SMARCA2: variants seen among roughly 807,000 people sequenced by gnomAD.
SMARCA2 encodes SWI/SNF-related matrix-associated actin-dependent regulator of chromatin subfamily A member 2.
In SMARCA2, 61 loss-of-function variants were observed where a neutral mutation model predicts 199.8. That is an observed-to-expected ratio of 0.31 (90% CI 0.25 to 0.38). The LOEUF is 0.38. Ranked by LOEUF, SMARCA2 falls within the 10% of genes least tolerant of loss-of-function variation. The pLI, the probability that SMARCA2 is intolerant of heterozygous loss-of-function variation, is 1.00. For missense variants in SMARCA2, 1,344 were observed against 2,012.2 expected (o/e 0.67, Z 6.35); for synonymous variants, 935 against 732.0 (o/e 1.28, Z -4.48).
chr9:2,029,251 A>T lies in SMARCA2; in HGVS notation c.225+4A>T. 6.2e-7 allele frequency: 1 copy of T among 1,607,682 alleles called. No homozygotes were observed. Among genetic ancestry groups the T allele is most frequent in the Non-Finnish European group, 8.5e-7 (1 of 1,176,428 alleles). Reference sequence around the variant, plus strand: ...AGGCATGCATCAAATGCATAAGGTAAGAGTTTGTTCTCCCATTCAAACTCA... The same window carrying T: ...AGGCATGCATCAAATGCATAAGGTATGAGTTTGTTCTCCCATTCAAACTCA... On this transcript the variant is annotated splice_donor_region_variant and intron_variant, in intron 2 of 33. Coordinates refer to ENST00000349721, the MANE Select transcript of SMARCA2 (RefSeq NM_003070.5).
intron 1 of SMARCA2, 80 bp downstream of exon 1, chr9:2,015,484 G>T (rs988642030): frequency 6.6e-6 from 1 of 152,608 alleles, no homozygotes; most frequent in Non-Finnish European, 1.5e-5. Context: ...AGACCCCTCC[G>T]GCACCACGCC....
intron 13 of SMARCA2, among the ~76,000 whole-genome samples, chr9:2,077,080 C>G (rs1278836829): frequency 6.6e-6 from 1 of 152,100 alleles, no homozygotes; most frequent in Non-Finnish European, 1.5e-5. Flanking sequence ...TTAAGAATCC[C>G]CCTCAGTGGT....
chr9:2,060,118 C>CAAAAAAAAAAAAAAAAAAAAAAAAAA (rs372329238), intron 8 of SMARCA2, among the ~76,000 whole-genome samples: 1 of 62,388 alleles, frequency 1.6e-5, no homozygotes, highest in African/African-American at 4.4e-5. Flanking sequence ...GATCTGTGGC[C>CAAAAAAAAAAAAAAAAAAAAAAAAAA]AAAAAAAAAA....
At chr9:2,084,285 C>G in intron 17 of SMARCA2, 89 bp downstream of exon 17, 1 of 653,918 alleles carries the variant, frequency 1.5e-6, no homozygotes, top group Admixed American at 2.8e-5. Flanking sequence ...TAATTGGATC[C>G]TTAGATGGCT....
At chr9:2,113,015 A>G (rs1261461520) in intron 24 of SMARCA2, among the ~76,000 whole-genome samples, 1 of 152,174 alleles carries the variant, frequency 6.6e-6, no homozygotes, top group African/African-American at 2.4e-5. Context: ...AGCTCTTTCT[A>G]CCTTGCACCC....
At chr9:2,141,770 A>G (rs1242853204) in intron 27 of SMARCA2, among the ~76,000 whole-genome samples, 1 of 152,066 alleles carries the variant, frequency 6.6e-6, no homozygotes, top group Admixed American at 6.5e-5. Flanking sequence ...CAATATGTTA[A>G]AAAAAACTAT....
chr9:2,054,485 T>C (rs1820262243), intron 5 of SMARCA2, 112 bp from the exon 6 acceptor site: 4 of 1,278,890 alleles, frequency 3.1e-6, no homozygotes, highest in Non-Finnish European at 4.4e-6. Flanking sequence ...TATCAGTATC[T>C]GGAATATGTT....
In SMARCA2 at chr9:2,181,778, C is replaced by T. The variant is rs1034533638; in HGVS notation, c.4359+102C>T. The T allele has an allele frequency of 1.6e-5, 11 of 688,042 alleles. No homozygotes were observed. In the African/African-American group the frequency reaches 2.0e-4, roughly 12 times the overall value. 42.6% of individuals were successfully genotyped at this position (688,042 alleles called of 1,614,324 possible). A position where few individuals can be genotyped will look rare whatever the true frequency, so the allele number is the denominator to read the frequency against. Reference sequence around the variant, plus strand: ...GGAGCTGACCGCCACTGATGGGTACCCAGGGCTCGCGACAGGAAAGGTTGG... The same window carrying T: ...GGAGCTGACCGCCACTGATGGGTACTCAGGGCTCGCGACAGGAAAGGTTGG... On this transcript the variant is annotated intron_variant, in intron 30 of 33. Transcript: ENST00000349721.
chr9:2,061,125 G>T (rs1820573568), intron 9 of SMARCA2, 139 bp downstream of exon 9: 1 of 783,116 alleles, frequency 1.3e-6, no homozygotes, highest in African/African-American at 1.7e-5. Flanking sequence ...TGCATAAATG[G>T]GTATGGCATG....
chr9:2,171,090 G>A (rs924102792), intron 29 of SMARCA2, among the ~76,000 whole-genome samples: 1 of 152,170 alleles, frequency 6.6e-6, no homozygotes, highest in African/African-American at 2.4e-5. Flanking sequence ...CTTCTGTTGG[G>A]TAGAAAGCAG....
At position 2,170,345 on chromosome 9, in the gene SMARCA2, C is replaced by G; in HGVS notation, c.4200-74C>G. 6.3e-7 allele frequency: 1 copy of G among 1,599,230 alleles called. No homozygotes were observed. The highest frequency in any genetic ancestry group is 8.5e-7 in the Non-Finnish European group (1 of 1,171,590). ...ACTGAGGCTTGGCCAGGTCACCCAG[C>G]CTAGGAAGAAGGAGCCGGGCGGGGA... is the stretch of plus-strand genomic sequence containing the variant. On this transcript the variant is annotated intron_variant, in intron 28 of 33. Coordinates refer to ENST00000349721, the MANE Select transcript of SMARCA2 (RefSeq NM_003070.5). This position sits in a 1 kb window ranked among gnomAD's most constrained non-coding sequence, Gnocchi z 4.7.
chr9:2,192,939 T>C lies in SMARCA2; in HGVS notation c.*200T>C, dbSNP rs548597702. On this transcript the variant is annotated 3_prime_UTR_variant, in exon 34 of 34. Transcript: ENST00000349721. ...CACATACACAAATATTTGTAACATA[T>C]TGTGACCAAATGGGCCTCAAAGATT... 5 of 530,964 alleles carry C rather than the reference T, an allele frequency of 9.4e-6. No homozygotes were observed. The highest frequency in any genetic ancestry group is 3.9e-5 in the African/African-American group (2 of 51,742). The allele number at this position is 530,964 out of a possible 1,614,324, so 32.9% of individuals were successfully genotyped here. A position where few individuals can be genotyped will look rare whatever the true frequency, so the allele number is the denominator to read the frequency against.
At chr9:2,126,537 T>C (rs1441137957) in intron 27 of SMARCA2, among the ~76,000 whole-genome samples, 1 of 152,222 alleles carries the variant, frequency 6.6e-6, no homozygotes, top group Non-Finnish European at 1.5e-5. Flanking sequence ...TGGGCCTGGA[T>C]GTGAAGAGAT....
Position 2,079,503 on chromosome 9 carries a change from A to T in SMARCA2, c.2184+1727A>T, listed in dbSNP as rs7859635. On this transcript the variant is annotated intron_variant, in intron 14 of 33. Transcript: ENST00000349721. ...AAGCACTAGCAGTTTTTACCTACCAATGCTTTTGCATCATCAGTGCAGACG... is the reference window on the plus strand; with the variant it reads ...AAGCACTAGCAGTTTTTACCTACCATTGCTTTTGCATCATCAGTGCAGACG... 6.4e-3 allele frequency among the ~76,000 whole-genome samples: 982 copies of T among 152,300 alleles called. 14 individuals are homozygous for T. The highest frequency in any genetic ancestry group is 0.023 in the African/African-American group (938 of 41,540).
At chr9:2,097,278 A>G (rs971783779) in intron 20 of SMARCA2, 107 bp from the exon 21 acceptor site, 2 of 703,792 alleles carry the variant, frequency 2.8e-6, no homozygotes, top group Non-Finnish European at 4.9e-6. Context: ...GGTGACTGAA[A>G]AAACCTATGG....
intron 9 of SMARCA2, among the ~76,000 whole-genome samples, chr9:2,069,533 TG>T (rs1470596783): frequency 2.7e-5 from 4 of 149,488 alleles, no homozygotes; most frequent in African/African-American, 7.4e-5. Context: ...CACTCCAGCC[TG>T]GGCGACAGAG....
intron 27 of SMARCA2, among the ~76,000 whole-genome samples, chr9:2,147,531 A>G (rs189299364): frequency 9.8e-5 from 15 of 152,316 alleles, no homozygotes; most frequent in African/African-American, 3.4e-4. Flanking sequence ...AATAACACCT[A>G]TAATGTTTCA....
intron 27 of SMARCA2, among the ~76,000 whole-genome samples, chr9:2,153,016 A>G (rs1825157581): frequency 6.6e-6 from 1 of 152,116 alleles, no homozygotes; most frequent in Non-Finnish European, 1.5e-5. Context: ...TATCAAGAAA[A>G]CGATGAAGAT....
At chr9:2,181,767 C>G in intron 30 of SMARCA2, 91 bp downstream of exon 30, 2 of 735,042 alleles carry the variant, frequency 2.7e-6, no homozygotes, top group Non-Finnish European at 4.9e-6. Flanking sequence ...CTGACCGCCA[C>G]TGATGGGTAC....
Sources: gnomAD v4.1 joint callset for allele counts (sites outside exome capture counted in the v4.1 genomes callset) on GRCh38, gnomAD v4.1.1 for gene constraint, Gnocchi (gnomAD v3.1) non-coding constraint, MANE v1.5 for transcripts, NCBI Gene and HGNC (gene_info 2026-07-23, HGNC 2026-07-21) for gene names.